Variants in ABI3BP observed in about 807,000 individuals in gnomAD.
The protein encoded by ABI3BP is target of Nesh-SH3.
Under a neutral mutation model 268.6 loss-of-function variants are expected in ABI3BP, and 216 were observed. The ratio of observed to expected loss-of-function variants is 0.80; its 90% CI spans 0.72 to 0.90. The LOEUF (loss-of-function observed/expected upper bound fraction) is 0.90, where lower values mean the gene tolerates loss of function less well. Ranked by LOEUF, ABI3BP falls within the 40% of genes least tolerant of loss-of-function variation. The pLI is 0.00. For missense variants in ABI3BP, 2,090 were observed against 2,182.4 expected (o/e 0.96, Z 0.84); for synonymous variants, 730 against 730.0 (o/e 1.00, Z 0.00).
At chr3:100,927,523 G>A (rs536488065) in intron 1 of ABI3BP, among the ~76,000 whole-genome samples, 2 of 152,240 alleles carry the variant, frequency 1.3e-5, no homozygotes, top group South Asian at 4.1e-4. Flanking sequence ...TTGGCTCATG[G>A]TTCCTAAGGC....
chr3:100,876,055 A>G (rs2099158533), intron 7 of ABI3BP, among the ~76,000 whole-genome samples: 1 of 152,232 alleles, frequency 6.6e-6, no homozygotes, highest in African/African-American at 2.4e-5. Flanking sequence ...TCTACCAAGA[A>G]ACTTTCTGGA....
Position 100,870,573 on chromosome 3 carries a change from A to C in ABI3BP, c.911-3617T>G, listed in dbSNP as rs540954967. On this transcript the variant is annotated intron_variant, in intron 9 of 67. Transcript: ENST00000471714. Reference sequence around the variant, plus strand: ...TGTTGGCAAGGGTGTGGAGAAAAGGAAATTCTTGTTTATTGTTGAGGTGGA... The same window carrying C: ...TGTTGGCAAGGGTGTGGAGAAAAGGCAATTCTTGTTTATTGTTGAGGTGGA... Among the ~76,000 whole-genome samples, 275 of 152,302 alleles carry C rather than the reference A, an allele frequency of 1.8e-3. 2 individuals are homozygous for C. The highest frequency in any genetic ancestry group is 6.0e-3 in the African/African-American group (251 of 41,570).
chr3:100,824,786 T>C (rs2098336390), intron 36 of ABI3BP, 72 bp downstream of exon 36: 3 of 1,300,872 alleles, frequency 2.3e-6, no homozygotes, highest in Non-Finnish European at 3.2e-6. Context: ...CTGCTCAGCA[T>C]TGACACTGCT....
chr3:100,774,544 G>A (rs1330193265), intron 61 of ABI3BP, 61 bp downstream of exon 61: 3 of 1,327,600 alleles, frequency 2.3e-6, no homozygotes, highest in Admixed American at 5.2e-5. Context: ...GCAATAACTG[G>A]CTGATACACC....
intron 6 of ABI3BP, 99 bp downstream of exon 6, chr3:100,885,437 G>T: frequency 3.3e-6 from 2 of 610,134 alleles, no homozygotes; most frequent in Non-Finnish European, 5.2e-6. Context: ...TTCATAGCTA[G>T]TCAGTTAATC....
At chr3:100,857,278 G>A (rs1056992365) in intron 14 of ABI3BP, among the ~76,000 whole-genome samples, 2 of 152,142 alleles carry the variant, frequency 1.3e-5, no homozygotes, top group Non-Finnish European at 2.9e-5. Flanking sequence ...ATGTGAAGGG[G>A]TGGCAGCCAA....
intron 45 of ABI3BP, among the ~76,000 whole-genome samples, 194 bp downstream of exon 45, chr3:100,813,467 A>G (rs1329953476): frequency 1.3e-5 from 2 of 152,214 alleles, no homozygotes; most frequent in Non-Finnish European, 2.9e-5. Context: ...AAGTATTTTT[A>G]TACATTCAAA....
intron 1 of ABI3BP, among the ~76,000 whole-genome samples, chr3:100,973,234 C>T (rs1004051413): frequency 1.2e-4 from 18 of 152,082 alleles, no homozygotes; most frequent in African/African-American, 4.3e-4. Context: ...GAATCAACAA[C>T]GTGTATTAAG....
At position 100,838,250 on chromosome 3, in the gene ABI3BP, G is replaced by C. The variant is rs1034426672; in HGVS notation, c.2043C>G (p.Pro681=). 3.3e-6 allele frequency: 5 copies of C among 1,536,342 alleles called. No homozygotes were observed. The African/African-American group carries it at 6.8e-5, about 21-fold the overall frequency. The change falls in exon 26 of 68, where the codon CCC becomes CCG. Residue 681 remains proline (P), a synonymous_variant. Coordinates refer to ENST00000471714, the MANE Select transcript of ABI3BP (RefSeq NM_001375547.2). ...GCATGTCTGGTTCTGCTGTGGTTTG[G>C]GGTTTAGGAAGTAATTGTTTTGGTG... ...SKPPKQLLPK[P]QTTAEPDMPP...
chr3:100,922,200 C>T (rs1004645418), intron 2 of ABI3BP, among the ~76,000 whole-genome samples: 5 of 152,138 alleles, frequency 3.3e-5, no homozygotes, highest in Admixed American at 2.6e-4. Flanking sequence ...ACTAAACCAC[C>T]ACAGCATATC....
intron 28 of ABI3BP, 61 bp from the exon 29 acceptor site, chr3:100,834,834 A>G: frequency 6.9e-7 from 1 of 1,459,244 alleles, no homozygotes; most frequent in South Asian, 1.2e-5. Context: ...AAAGGATTAC[A>G]CATGGTTCTA....
chr3:100,827,942 A>G (rs1275207672), intron 34 of ABI3BP, among the ~76,000 whole-genome samples: 1 of 152,152 alleles, frequency 6.6e-6, no homozygotes, highest in South Asian at 2.1e-4. Flanking sequence ...TTACTCATAC[A>G]TTAACAAAAT....
chr3:100,833,807 T>G (rs1381006415), intron 29 of ABI3BP, among the ~76,000 whole-genome samples: 3 of 152,310 alleles, frequency 2.0e-5, no homozygotes, highest in Non-Finnish European at 4.4e-5. Flanking sequence ...GTGCTCTTTG[T>G]AGACCCATCA....
intron 29 of ABI3BP, 119 bp downstream of exon 29, chr3:100,834,565 T>G: frequency 1.2e-6 from 1 of 862,448 alleles, no homozygotes; most frequent in South Asian, 1.6e-5. Flanking sequence ...GCAGCTGCTT[T>G]CCATGACTTG....
chr3:100,932,198 A>G (rs1313384926), intron 1 of ABI3BP, among the ~76,000 whole-genome samples: 1 of 152,070 alleles, frequency 6.6e-6, no homozygotes, highest in Non-Finnish European at 1.5e-5. Flanking sequence ...ATATATAAAA[A>G]TCAACTCAAC....
chr3:100,880,453 G>A (rs1288693320), intron 6 of ABI3BP, among the ~76,000 whole-genome samples: 2 of 152,148 alleles, frequency 1.3e-5, no homozygotes, highest in African/African-American at 4.8e-5. Context: ...TCCTATAATA[G>A]ATTTTTTTCT....
Position 100,780,199 on chromosome 3 carries a change from T to C in ABI3BP, c.4173A>G (p.Gln1391=). The C allele has an allele frequency of 6.2e-7, 1 of 1,612,786 alleles. No homozygotes were observed. Among genetic ancestry groups the C allele is most frequent in the Non-Finnish European group, 8.5e-7 (1 of 1,179,104 alleles). The part of the protein sequence containing the change: ...SGNGVGTGVK[Q]APRPSGADRN... ...TATCAGCACCTGATGGCCTGGGTGC[T>C]TGCTTGACCCCTATGAGCAGAGATA... is the stretch of plus-strand genomic sequence containing the variant. The change falls in exon 58 of 68, where the codon CAA becomes CAG. Residue 1391 remains glutamine, a synonymous_variant. Transcript: ENST00000471714.
At chr3:100,821,597 CTT>C (rs369631203) in intron 38 of ABI3BP, among the ~76,000 whole-genome samples, 19,012 of 119,062 alleles carry the variant, frequency 0.16, 1,514 homozygotes, top group South Asian at 0.29. Context: ...TGAAGTAAGA[CTT>C]TTTTTTTTTT....
At position 100,839,604 on chromosome 3, in the gene ABI3BP, G is replaced by T. The variant is rs909011619; in HGVS notation, c.1910C>A (p.Ala637Asp). Residue 637 changes from alanine to aspartate, a missense_variant, in exon 24 of 68, where the codon GCC (alanine) becomes GAC (aspartate). By Grantham distance (126) the Ala-to-Asp change is moderately radical. Coordinates refer to ENST00000471714, the MANE Select transcript of ABI3BP (RefSeq NM_001375547.2). ...CACCAAGGGCTCCGGTTGTATCGTG[G>T]CAGGTTCCAGAGCTACAGAAGCAAA... The part of the protein sequence containing the change: ...VPKSKPALEP[A>D]TIQPEPLVPT... The T allele has an allele frequency of 5.1e-5, 79 of 1,535,704 alleles. 3 individuals carry two copies. The Admixed American group carries it at 1.5e-3, about 30-fold the overall frequency.
Sources: allele counts gnomAD v4.1 joint callset (sites outside exome capture counted in the v4.1 genomes callset), GRCh38; gene constraint gnomAD v4.1.1; transcripts MANE v1.5; gene names NCBI Gene and HGNC (gene_info 2026-07-23, HGNC 2026-07-21).